SLC26A7: variants seen among roughly 807,000 people sequenced by gnomAD.
SLC26A7 encodes the protein solute carrier family 26 member 7.
Under a neutral mutation model 82.5 loss-of-function variants are expected in SLC26A7, and 59 were observed. The observed-to-expected ratio is 0.72, with a 90% CI of 0.58 to 0.89. SLC26A7 has a LOEUF of 0.89. Ranked by LOEUF, SLC26A7 falls within the 40% of genes least tolerant of loss-of-function variation. SLC26A7 has a pLI of 0.00. For missense variants in SLC26A7, 820 were observed against 793.0 expected (o/e 1.03, Z -0.41); for synonymous variants, 271 against 274.3 (o/e 0.99, Z 0.12).
At chr8:91,279,528 T>C (rs1811508354) in intron 2 of SLC26A7, among the ~76,000 whole-genome samples, 1 of 152,144 alleles carries the variant, frequency 6.6e-6, no homozygotes, top group South Asian at 2.1e-4. Flanking sequence ...TTTTAATTTG[T>C]ATTTCCCTAA....
intron 14 of SLC26A7, among the ~76,000 whole-genome samples, chr8:91,367,985 A>G (rs982009921): frequency 6.6e-6 from 1 of 152,250 alleles, no homozygotes; most frequent in African/African-American, 2.4e-5. Flanking sequence ...ATACAGGATC[A>G]GATACGTAAT....
At chr8:91,232,900 C>T (rs1207047299) in intron 2 of SLC26A7, among the ~76,000 whole-genome samples, 1 of 152,162 alleles carries the variant, frequency 6.6e-6, no homozygotes, top group Non-Finnish European at 1.5e-5. Flanking sequence ...CCTGTGATTC[C>T]AAGAAAGGCT....
chr8:91,225,433 G>A (rs1810220064), intron 2 of SLC26A7, among the ~76,000 whole-genome samples: 1 of 151,924 alleles, frequency 6.6e-6, no homozygotes, highest in South Asian at 2.1e-4. Flanking sequence ...TCCCTGTGTG[G>A]CTATCAGGTG....
intron 3 of SLC26A7, among the ~76,000 whole-genome samples, chr8:91,291,546 C>A (rs1811868628): frequency 6.6e-6 from 1 of 151,894 alleles, no homozygotes; most frequent in South Asian, 2.1e-4. Flanking sequence ...TCTGTTAAAC[C>A]CAAGATAAAA....
intron 2 of SLC26A7, among the ~76,000 whole-genome samples, chr8:91,233,658 A>C (rs1810346299): frequency 6.6e-6 from 1 of 152,182 alleles, no homozygotes; most frequent in African/African-American, 2.4e-5. Context: ...CTTTCAGACA[A>C]ATATGTTCTT....
rs763675249 is a variant in SLC26A7 at position 91,340,426 on chromosome 8, C to T, written c.901C>T (p.Pro301Ser). The T allele has an allele frequency of 3.2e-5, 52 of 1,613,792 alleles. 2 individuals are homozygous for T. In the South Asian group the frequency reaches 5.4e-4, roughly 17 times the overall value. The change falls in exon 8 of 19, where the codon CCG (proline) becomes TCG (serine). Residue 301 changes from proline (P) to serine (S), a missense_variant. Transcript: ENST00000276609. ...CAGAATTCCCTCACCTAGAGCTCCC[C>T]CGATGAACATCCTCTCTGCGGTGAT... is the stretch of plus-strand genomic sequence containing the variant. The part of the protein sequence containing the change: ...PQGIPSPRAP[P>S]MNILSAVITE...
intron 5 of SLC26A7, among the ~76,000 whole-genome samples, chr8:91,333,292 A>C (rs1295609842): frequency 3.9e-5 from 6 of 152,162 alleles, no homozygotes; most frequent in Admixed American, 2.0e-4. Context: ...ATCCCAAATT[A>C]CCAAGATTGA....
At chr8:91,274,497 GAAGA>G (rs1230192824) in intron 2 of SLC26A7, among the ~76,000 whole-genome samples, 3 of 152,104 alleles carry the variant, frequency 2.0e-5, no homozygotes, top group African/African-American at 7.2e-5. Flanking sequence ...AGAGAGAGAG[GAAGA>G]AAGAGAGATA....
Position 91,393,699 on chromosome 8 carries a change from C to T in SLC26A7, c.1777-98C>T, listed in dbSNP as rs190605506. 642 of 1,306,114 alleles carry T rather than the reference C, an allele frequency of 4.9e-4. 6 individuals are homozygous for T. In the Admixed American group the frequency reaches 0.01, roughly 21 times the overall value. 80.9% of individuals were successfully genotyped at this position (1,306,114 alleles called of 1,614,324 possible). On this transcript the variant is annotated intron_variant, in intron 16 of 18. Coordinates refer to ENST00000276609, the MANE Select transcript of SLC26A7 (RefSeq NM_052832.4). ...TCTGGTGGTTTGACTTCGTAAACATCGGCTTTAAAGAAAGTTTGATTTCTT... is the reference window on the plus strand; with the variant it reads ...TCTGGTGGTTTGACTTCGTAAACATTGGCTTTAAAGAAAGTTTGATTTCTT...
chr8:91,338,154 T>C lies in SLC26A7; in HGVS notation c.800T>C (p.Ile267Thr). ...VVLPVDLVLI[I>T]AASFACYCTN... is the part of the protein sequence containing the mutation. Reference sequence around the variant, plus strand: ...TTTTCAAATGGAACCACACAGATTATTGCTGCATCATTTGCTTGTTATTGC... The same window carrying C: ...TTTTCAAATGGAACCACACAGATTACTGCTGCATCATTTGCTTGTTATTGC... The change falls in exon 7 of 19, where the codon ATT (isoleucine) becomes ACT (threonine). Residue 267 changes from isoleucine (I) to threonine (T), a missense_variant. Ile to Thr is a moderately conservative substitution (Grantham distance 89, BLOSUM62 -1). Transcript: ENST00000276609. 6.2e-7 allele frequency: 1 copy of C among 1,609,090 alleles called. No homozygotes were observed. Among genetic ancestry groups the C allele is most frequent in the Non-Finnish European group, 8.5e-7 (1 of 1,178,254 alleles).
At chr8:91,288,661 C>A (rs1335402036) in intron 2 of SLC26A7, among the ~76,000 whole-genome samples, 2 of 152,202 alleles carry the variant, frequency 1.3e-5, no homozygotes, top group Non-Finnish European at 2.9e-5. Context: ...AGCTGGCCAA[C>A]CAGCCAATGT....
At chr8:91,280,250 G>C (rs1811532928) in intron 2 of SLC26A7, among the ~76,000 whole-genome samples, 1 of 152,118 alleles carries the variant, frequency 6.6e-6, no homozygotes, top group South Asian at 2.1e-4. Context: ...TTATGTGGAA[G>C]GTAACTAATT....
intron 13 of SLC26A7, 119 bp downstream of exon 13, chr8:91,363,657 G>A: frequency 1.8e-6 from 1 of 542,904 alleles, no homozygotes; most frequent in Non-Finnish European, 3.2e-6. Context: ...TTTTTAATTA[G>A]TATAAACTTC....
intron 2 of SLC26A7, among the ~76,000 whole-genome samples, chr8:91,281,167 A>G (rs1811560902): frequency 6.6e-6 from 1 of 152,230 alleles, no homozygotes; most frequent in African/African-American, 2.4e-5. Flanking sequence ...TCATTGTACA[A>G]AGTGATAAAG....
rs1206728149 is a variant in SLC26A7 at position 91,394,154 on chromosome 8, C to T, written c.1935+115C>T. 12 of 1,597,090 alleles carry T rather than the reference C, an allele frequency of 7.5e-6. No homozygotes were observed. The African/African-American group carries it at 9.4e-5, about 13-fold the overall frequency. On this transcript the variant is annotated intron_variant, in intron 18 of 18. Transcript: ENST00000276609. ...CATTGGCATCTAAAATCTGTTAGCC[C>T]CCCACCCCACCCCACCTCAGACTTT...
At chr8:91,305,123 A>T (rs1812268369) in intron 4 of SLC26A7, among the ~76,000 whole-genome samples, 1 of 152,214 alleles carries the variant, frequency 6.6e-6, no homozygotes, top group Non-Finnish European at 1.5e-5. Context: ...ATTTGTCTCT[A>T]TAATTCCAAC....
At chr8:91,327,024 C>T (rs765720223) in intron 5 of SLC26A7, among the ~76,000 whole-genome samples, 13 of 152,058 alleles carry the variant, frequency 8.5e-5, no homozygotes, top group Admixed American at 1.3e-4. Context: ...ATCTTGTGGT[C>T]GATCCTTTAC....
At chr8:91,265,301 G>A (rs1811080946) in intron 2 of SLC26A7, among the ~76,000 whole-genome samples, 1 of 152,006 alleles carries the variant, frequency 6.6e-6, no homozygotes, top group Admixed American at 6.6e-5. Context: ...TAAATACTTA[G>A]ATTGATTTCA....
intron 2 of SLC26A7, among the ~76,000 whole-genome samples, chr8:91,275,921 A>T (rs1811394103): frequency 6.6e-6 from 1 of 152,062 alleles, no homozygotes; most frequent in Admixed American, 6.5e-5. Context: ...CCACATTTTC[A>T]TGTGGGCCTT....
Sources: gnomAD v4.1 joint callset for allele counts (sites outside exome capture counted in the v4.1 genomes callset) on GRCh38, gnomAD v4.1.1 for gene constraint, MANE v1.5 for transcripts, NCBI Gene and HGNC (gene_info 2026-07-23, HGNC 2026-07-21) for gene names.